Variants in MARCHF1 observed in about 807,000 individuals in gnomAD.
MARCHF1 encodes the protein E3 ubiquitin-protein ligase MARCHF1.
In MARCHF1, 40 loss-of-function variants were observed where a neutral mutation model predicts 54.2. The ratio of observed to expected loss-of-function variants is 0.74; its 90% confidence interval spans 0.57 to 0.96. The LOEUF (loss-of-function observed/expected upper bound fraction) is 0.96. Among genes scored for constraint, MARCHF1 ranks in the 40% least tolerant of loss-of-function variants. MARCHF1 has a pLI of 0.00. For synonymous variants in MARCHF1, 236 were observed against 236.3 expected (o/e 1.00, Z 0.01); for missense variants, 586 against 656.5 (o/e 0.89, Z 1.17).
At chr4:164,362,548 AG>A (rs1476665798) in intron 1 of MARCHF1, among the ~76,000 whole-genome samples, 1 of 152,150 alleles carries the variant, frequency 6.6e-6, no homozygotes, top group South Asian at 2.1e-4. Flanking sequence ...ACTAGAAACC[AG>A]CCACGTTTTA....
rs58808830 is a variant in MARCHF1, at chr4:164,340,405, T to TTATATACATACATATATATA, written c.-323+43464_-323+43465insTATATATATGTATGTATATA. Among the ~76,000 whole-genome samples the TTATATACATACATATATATA allele has an allele frequency of 2.0e-3, 193 of 95,624 alleles. 10 individuals are homozygous for TTATATACATACATATATATA. Among genetic ancestry groups the TTATATACATACATATATATA allele is most frequent in the East Asian group, 6.8e-3 (17 of 2,516 alleles). The allele number at this position is 95,624 out of a possible 152,430, so 62.7% of individuals were successfully genotyped here. ...ACAGCACATGCCACCAGGCCTTGAT[T>TTATATACATACATATATATA]TATATATAGATATATATATATATAT... On this transcript the variant is annotated intron_variant, in intron 1 of 9. Transcript: ENST00000514618.
intron 2 of MARCHF1, among the ~76,000 whole-genome samples, chr4:164,051,482 A>C (rs1318449438): frequency 6.6e-6 from 1 of 152,140 alleles, no homozygotes; most frequent in African/African-American, 2.4e-5. Flanking sequence ...TGGTGGGAGA[A>C]TCCTATATAC....
At chr4:163,911,255 G>A (rs1243693678) in intron 3 of MARCHF1, among the ~76,000 whole-genome samples, 3 of 152,076 alleles carry the variant, frequency 2.0e-5, no homozygotes, top group African/African-American at 7.2e-5. Context: ...TTGATTGGTG[G>A]GTTTGGAAGA....
At chr4:164,290,271 T>A (rs981108645) in intron 1 of MARCHF1, among the ~76,000 whole-genome samples, 4 of 152,020 alleles carry the variant, frequency 2.6e-5, no homozygotes, top group African/African-American at 9.7e-5. Flanking sequence ...TGATTAGTGA[T>A]GTCTCCATAA....
intron 4 of MARCHF1, among the ~76,000 whole-genome samples, chr4:163,776,955 C>T (rs1213130987): frequency 6.6e-6 from 1 of 152,024 alleles, no homozygotes; most frequent in East Asian, 1.9e-4. Context: ...CTTTGTACTC[C>T]CTTTACACAT....
rs1554002572 is a variant in MARCHF1, at chr4:164,340,405, T to TTATATATATATATATATATATA, written c.-323+43464_-323+43465insTATATATATATATATATATATA. On this transcript the variant is annotated intron_variant, in intron 1 of 9. Coordinates refer to ENST00000514618, the MANE Select transcript of MARCHF1 (RefSeq NM_001394959.1). Reference sequence around the variant, plus strand: ...ACAGCACATGCCACCAGGCCTTGATTTATATATAGATATATATATATATAT... The same window carrying TTATATATATATATATATATATA: ...ACAGCACATGCCACCAGGCCTTGATTTATATATATATATATATATATATATATATAGATATATATATATATAT... 1.4e-3 allele frequency among the ~76,000 whole-genome samples: 130 copies of TTATATATATATATATATATATA among 95,588 alleles called. 5 individuals carry two copies. Among genetic ancestry groups the TTATATATATATATATATATATA allele is most frequent in the East Asian group, 2.4e-3 (6 of 2,514 alleles). 62.7% of individuals were successfully genotyped at this position (95,588 alleles called of 152,430 possible).
intron 1 of MARCHF1, among the ~76,000 whole-genome samples, chr4:164,249,075 T>C (rs965508255): frequency 2.0e-5 from 3 of 152,116 alleles, no homozygotes; most frequent in Admixed American, 1.3e-4. Flanking sequence ...TATTTATTTA[T>C]TCAACAAATA....
At chr4:164,288,961 A>G (rs1734218014) in intron 1 of MARCHF1, among the ~76,000 whole-genome samples, 1 of 152,114 alleles carries the variant, frequency 6.6e-6, no homozygotes, top group African/African-American at 2.4e-5. Flanking sequence ...CAAATGGTCT[A>G]ATTATAGTTG....
intron 1 of MARCHF1, among the ~76,000 whole-genome samples, chr4:164,304,161 A>C (rs1734636947): frequency 6.6e-6 from 1 of 152,224 alleles, no homozygotes; most frequent in Non-Finnish European, 1.5e-5. Flanking sequence ...TGCCAAAGAG[A>C]TGCCAGAAAC....
chr4:164,106,191 T>C (rs932102428), intron 2 of MARCHF1, among the ~76,000 whole-genome samples: 3 of 144,024 alleles, frequency 2.1e-5, no homozygotes, highest in African/African-American at 5.5e-5. Context: ...GTTCAACCAT[T>C]GTGGAAGTCA....
At chr4:163,972,949 A>T (rs903598043) in intron 3 of MARCHF1, among the ~76,000 whole-genome samples, 7 of 152,216 alleles carry the variant, frequency 4.6e-5, no homozygotes, top group African/African-American at 1.7e-4. Context: ...TGTAATTGTT[A>T]TGGTTGTAAA....
intron 2 of MARCHF1, among the ~76,000 whole-genome samples, chr4:164,037,033 G>T (rs1019302833): frequency 6.6e-6 from 1 of 152,022 alleles, no homozygotes; most frequent in African/African-American, 2.4e-5. Flanking sequence ...AATATGGGGG[G>T]AATAAGAAAA....
chr4:163,807,920 G>A (rs1579302641), intron 4 of MARCHF1, among the ~76,000 whole-genome samples: 1 of 152,024 alleles, frequency 6.6e-6, no homozygotes, highest in East Asian at 1.9e-4. Context: ...TTAACACTTT[G>A]CTAATAGTAT....
At chr4:163,691,546 A>G (rs1319550447) in intron 5 of MARCHF1, among the ~76,000 whole-genome samples, 1 of 152,194 alleles carries the variant, frequency 6.6e-6, no homozygotes, top group Non-Finnish European at 1.5e-5. Flanking sequence ...CCAGAGCAGC[A>G]TAAGTGCTGG....
chr4:164,256,735 T>C (rs1387709883), intron 1 of MARCHF1, among the ~76,000 whole-genome samples: 3 of 152,182 alleles, frequency 2.0e-5, no homozygotes, highest in Admixed American at 6.5e-5. Context: ...GTTGAAAACA[T>C]GACTAGACCA....
At chr4:163,618,603 A>C (rs561169020) in intron 5 of MARCHF1, among the ~76,000 whole-genome samples, 1 of 152,276 alleles carries the variant, frequency 6.6e-6, no homozygotes, top group African/African-American at 2.4e-5. Flanking sequence ...ACTCTGCTAA[A>C]ATAGCATCAA....
chr4:164,162,424 G>C (rs1338961099), intron 1 of MARCHF1, among the ~76,000 whole-genome samples: 1 of 152,118 alleles, frequency 6.6e-6, no homozygotes, highest in Admixed American at 6.6e-5. Context: ...ACCGAATCCA[G>C]AGAGGGCAGC....
intron 1 of MARCHF1, among the ~76,000 whole-genome samples, chr4:164,225,764 GA>G (rs910087498): frequency 6.6e-6 from 1 of 151,976 alleles, no homozygotes; most frequent in African/African-American, 2.4e-5. Context: ...CAACCATGTT[GA>G]AAAACAGTTT....
Position 164,262,167 on chromosome 4 carries a change from T to G in MARCHF1, c.-323+121703A>C, listed in dbSNP as rs192378701. On this transcript the variant is annotated intron_variant, in intron 1 of 9. Transcript: ENST00000514618. ...GAGAGAAAGGATCTTATTTATCATG[T>G]TCACCTCCCAAGAGGTGAACATATC... 5.3e-5 allele frequency among the ~76,000 whole-genome samples: 8 copies of G among 150,032 alleles called. 1 individual carries two copies. In the South Asian group the frequency reaches 1.3e-3, roughly 23 times the overall value.
Sources: allele counts gnomAD v4.1 joint callset (sites outside exome capture counted in the v4.1 genomes callset), GRCh38; gene constraint gnomAD v4.1.1; transcripts MANE v1.5; gene names NCBI Gene and HGNC (gene_info 2026-07-23, HGNC 2026-07-21).